PRKCG: variants seen among roughly 807,000 people sequenced by gnomAD.
PRKCG encodes protein kinase C gamma type.
Under a neutral mutation model 82.0 loss-of-function variants are expected in PRKCG, and 28 were observed. The ratio of observed to expected loss-of-function variants is 0.34; its 90% CI spans 0.25 to 0.47. PRKCG has a LOEUF of 0.47. Ranked by LOEUF, PRKCG falls within the 20% of genes least tolerant of loss-of-function variation. PRKCG has a pLI of 1.00. For missense variants in PRKCG, 640 were observed against 952.7 expected, an observed-to-expected ratio of 0.67 and a Z score of 4.32; for synonymous variants, 383 against 376.6, an observed-to-expected ratio of 1.02 and a Z score of -0.20.
At chr19:53,896,454 C>G (rs1022365917) in intron 9 of PRKCG, among the ~76,000 whole-genome samples, 3 of 151,558 alleles carry the variant, frequency 2.0e-5, no homozygotes, top group African/African-American at 7.3e-5. Flanking sequence ...CAGTCTCGCT[C>G]TGTCGCCCAG....
At chr19:53,888,129 C>T (rs1414117724) in intron 3 of PRKCG, among the ~76,000 whole-genome samples, 1 of 152,196 alleles carries the variant, frequency 6.6e-6, no homozygotes, top group Non-Finnish European at 1.5e-5. Context: ...TGAGAACCTT[C>T]ACACACAGCA....
In PRKCG at chr19:53,907,182, A is replaced by C; in HGVS notation, c.*287A>C. The C allele has an allele frequency of 1.8e-6, 1 of 558,932 alleles. No individual in the cohort carries two copies. The highest frequency in any genetic ancestry group is 3.1e-6 in the Non-Finnish European group (1 of 318,904). The allele number at this position is 558,932 out of a possible 1,614,324, so 34.6% of individuals were successfully genotyped here. On this transcript the variant is annotated 3_prime_UTR_variant, in exon 18 of 18. Coordinates refer to ENST00000263431, the MANE Select transcript of PRKCG (RefSeq NM_002739.5). Reference sequence around the variant, plus strand: ...AATCGGGTCCAGAGACCACACCACTAACCATCCCCAACTCCATGGGGTTCG... The same window carrying C: ...AATCGGGTCCAGAGACCACACCACTCACCATCCCCAACTCCATGGGGTTCG...
rs973441595 is a variant in PRKCG, at chr19:53,889,263, G to T, written c.286-375G>T. On this transcript the variant is annotated intron_variant, in intron 3 of 17. Coordinates refer to ENST00000263431, the MANE Select transcript of PRKCG (RefSeq NM_002739.5). The surrounding 1 kb of genome is among the most constrained non-coding windows in gnomAD (Gnocchi z 4.4). ...GCCACCGCACCCAGCCAGGACCACC[G>T]TATTTAAAATTTCAATCCCCCAACT... 6.6e-6 allele frequency among the ~76,000 whole-genome samples: 1 copy of T among 151,960 alleles called. No individual in the cohort carries two copies. The highest frequency in any genetic ancestry group is 2.1e-4 in the South Asian group (1 of 4,812).
At chr19:53,903,483 G>A (rs1411509462) in intron 15 of PRKCG, among the ~76,000 whole-genome samples, 1 of 152,160 alleles carries the variant, frequency 6.6e-6, no homozygotes, top group African/African-American at 2.4e-5. Context: ...CCACTTACTG[G>A]CTGTGTCAGC....
At chr19:53,885,681 C>T (rs1302548174) in intron 3 of PRKCG, among the ~76,000 whole-genome samples, 1 of 152,028 alleles carries the variant, frequency 6.6e-6, no homozygotes, top group African/African-American at 2.4e-5. Context: ...TTATGATGTA[C>T]AGATGGAGAG....
chr19:53,893,494 G>A, intron 9 of PRKCG, 103 bp downstream of exon 9: 1 of 1,263,914 alleles, frequency 7.9e-7, no homozygotes, highest in Non-Finnish European at 1.2e-6. Context: ...CATGAGTTGA[G>A]CACACATTTG....
chr19:53,893,211 C>T, intron 8 of PRKCG, 136 bp downstream of exon 8: 2 of 1,223,240 alleles, frequency 1.6e-6, no homozygotes, highest in Admixed American at 1.8e-5. Flanking sequence ...CCCTCCTCTG[C>T]TCTTCTAGGG....
At chr19:53,899,471 C>T (rs1209727534) in intron 11 of PRKCG, among the ~76,000 whole-genome samples, 1 of 152,146 alleles carries the variant, frequency 6.6e-6, no homozygotes, top group Non-Finnish European at 1.5e-5. Flanking sequence ...AGGATTGCGA[C>T]TTAGGGGCAG....
At position 53,896,305 on chromosome 19, in the gene PRKCG, A is replaced by G. The variant is rs112234729; in HGVS notation, c.940-1654A>G. ...CAGCAGGCACCACTTAATATTACCA[A>G]TGAACACCAACTCTGTGCCAAGCCT... On this transcript the variant is annotated intron_variant, in intron 9 of 17. Transcript: ENST00000263431. Among the ~76,000 whole-genome samples the G allele has an allele frequency of 7.1e-3, 1,086 of 151,890 alleles. 21 individuals carry two copies. The highest frequency in any genetic ancestry group is 0.024 in the African/African-American group (1,013 of 41,424).
intron 3 of PRKCG, among the ~76,000 whole-genome samples, chr19:53,885,471 C>T (rs1238896526): frequency 1.3e-5 from 2 of 152,106 alleles, no homozygotes; most frequent in Non-Finnish European, 2.9e-5. Flanking sequence ...ACCTTGTGAT[C>T]CACCCGCCTC....
At chr19:53,896,628 C>T (rs2068720314) in intron 9 of PRKCG, among the ~76,000 whole-genome samples, 1 of 152,074 alleles carries the variant, frequency 6.6e-6, no homozygotes, top group African/African-American at 2.4e-5. Context: ...CCATGTTGGC[C>T]AGGCTGGTCT....
chr19:53,886,916 T>G (rs566574045), intron 3 of PRKCG, among the ~76,000 whole-genome samples: 18 of 152,234 alleles, frequency 1.2e-4, no homozygotes, highest in Non-Finnish European at 2.2e-4. Context: ...TTTTGAAGAT[T>G]TAGTGAGTCA....
chr19:53,892,865 C>A lies in PRKCG; in HGVS notation c.822-123C>A. ...TCCCTCTCCCTCTCTTTTTATCTCA[C>A]TCTTTCTCTCTTCCATCTCTGTGTC... On this transcript the variant is annotated intron_variant, in intron 7 of 17. Transcript: ENST00000263431. The surrounding 1 kb of genome is among the most constrained non-coding windows in gnomAD (Gnocchi z 5.9). 9.2e-7 allele frequency: 1 copy of A among 1,086,018 alleles called. No individual in the cohort carries two copies. Among genetic ancestry groups the A allele is most frequent in the Non-Finnish European group, 1.4e-6 (1 of 731,610 alleles). 67.3% of individuals were successfully genotyped at this position (1,086,018 alleles called of 1,614,324 possible). A position where few individuals can be genotyped will look rare whatever the true frequency, so the allele number is the denominator to read the frequency against.
At chr19:53,898,255 A>G in intron 10 of PRKCG, 144 bp downstream of exon 10, 1 of 1,404,172 alleles carries the variant, frequency 7.1e-7, no homozygotes, top group Non-Finnish European at 9.9e-7. Context: ...AGGTTCCTGG[A>G]GAGGAGAGGT....
rs368825946 is a variant in PRKCG at position 53,906,395 on chromosome 19, C to G, written c.1843C>G (p.Arg615Gly). 3 of 1,566,928 alleles carry G rather than the reference C, an allele frequency of 1.9e-6. No homozygotes were observed. Among genetic ancestry groups the G allele is most frequent in the Middle Eastern group, 3.3e-4 (2 of 6,006 alleles). ...TACCATCCGTGCACATGGCTTTTTC[C>G]GCTGGATTGACTGGGAGCGGCTGGA... is the stretch of plus-strand genomic sequence containing the variant. ...EPTIRAHGFF[R>G]WIDWERLERL... The change falls in exon 17 of 18, where the codon CGC (arginine) becomes GGC (glycine). Residue 615 changes from arginine to glycine, a missense_variant. Physicochemically the swap from Arg to Gly is moderately radical, Grantham distance 125. This residue lies in a region of PRKCG where 198 missense variants were observed against 273.4 expected (regional missense o/e 0.72). Coordinates refer to ENST00000263431, the MANE Select transcript of PRKCG (RefSeq NM_002739.5).
chr19:53,905,390 C>T (rs80103112), intron 16 of PRKCG, among the ~76,000 whole-genome samples: 112 of 149,838 alleles, frequency 7.5e-4, no homozygotes, highest in South Asian at 1.3e-3. Context: ...CATACACACA[C>T]GCTACATCTC....
intron 16 of PRKCG, among the ~76,000 whole-genome samples, chr19:53,905,196 C>T (rs2068792608): frequency 6.6e-6 from 1 of 152,156 alleles, no homozygotes; most frequent in African/African-American, 2.4e-5. Context: ...CGTCTAGCTG[C>T]TCTCTCTGCA....
chr19:53,906,260 C>G, intron 16 of PRKCG, 57 bp from the exon 17 acceptor site: 1 of 1,548,434 alleles, frequency 6.5e-7, no homozygotes, highest in Admixed American at 2.0e-5. Context: ...TTCTCTGGGT[C>G]TACCTGTCCG....
chr19:53,898,899 G>A (rs1186505659), intron 11 of PRKCG, among the ~76,000 whole-genome samples: 7 of 146,472 alleles, frequency 4.8e-5, no homozygotes, highest in Non-Finnish European at 6.0e-5. Context: ...GGCGTGGCCA[G>A]GTGGAGGGAC....
Sources: allele counts gnomAD v4.1 joint callset (sites outside exome capture counted in the v4.1 genomes callset), GRCh38; gene constraint gnomAD v4.1.1; regional missense constraint gnomAD v4.1.1; non-coding constraint Gnocchi (gnomAD v3.1); transcripts MANE v1.5; gene names NCBI Gene and HGNC (gene_info 2026-07-23, HGNC 2026-07-21).